RPRD1B: variants seen among roughly 807,000 people sequenced by gnomAD.
The protein encoded by RPRD1B is regulation of nuclear pre-mRNA domain-containing protein 1B.
RPRD1B carries 11 observed loss-of-function variants against 41.5 expected under a neutral mutation model. The observed-to-expected ratio is 0.27, with a 90% CI of 0.17 to 0.44. The LOEUF (loss-of-function observed/expected upper bound fraction) is 0.44. Ranked by LOEUF, RPRD1B falls within the 20% of genes least tolerant of loss-of-function variation. RPRD1B has a pLI of 1.00. For synonymous variants in RPRD1B, 158 were observed against 155.6 expected (o/e 1.02, Z -0.12); for missense variants, 248 against 389.9 (o/e 0.64, Z 3.06).
intron 3 of RPRD1B, among the ~76,000 whole-genome samples, chr20:38,054,713 G>A (rs1436698798): frequency 2.0e-5 from 3 of 152,210 alleles, no homozygotes; most frequent in Non-Finnish European, 2.9e-5. Flanking sequence ...TTTGAAAACG[G>A]AAGGATTTCA....
intron 6 of RPRD1B, among the ~76,000 whole-genome samples, chr20:38,075,738 G>A (rs987777998): frequency 1.3e-5 from 2 of 152,192 alleles, no homozygotes; most frequent in Admixed American, 1.3e-4. Context: ...TCTGAGATCA[G>A]GGCAAAGTAT....
At position 38,066,118 on chromosome 20, in the gene RPRD1B, T is replaced by G. The variant is rs773267887; in HGVS notation, c.693T>G (p.Asp231Glu). ...CTGAACGTCTTTCAAAAACAGTAGA[T>G]GAAGCATGTCTGTTACTAGCAGAAT... ...EAAERLSKTVDEACLLLAEYN... is the reference protein window; with the variant it reads ...EAAERLSKTVEEACLLLAEYN... Residue 231 changes from aspartate to glutamate, a missense_variant, in exon 6 of 7, where the codon GAT (aspartate) becomes GAG (glutamate). Asp to Glu is a conservative substitution (Grantham distance 45). Around this residue, in one of 5 missense-constraint regions of RPRD1B, gnomAD observed 93 missense variants for 167.2 expected, o/e 0.56. Transcript: ENST00000373433. 1 of 1,614,182 alleles carries G rather than the reference T, an allele frequency of 6.2e-7. No individual in the cohort carries two copies. The highest frequency in any genetic ancestry group is 8.5e-7 in the Non-Finnish European group (1 of 1,180,026).
At chr20:38,070,497 T>C (rs1156972089) in intron 6 of RPRD1B, 2 of 985,386 alleles carry the variant, frequency 2.0e-6, no homozygotes, top group East Asian at 2.3e-4. Context: ...GAAGCTTTGT[T>C]TGTGGTTGAC....
intron 6 of RPRD1B, among the ~76,000 whole-genome samples, chr20:38,084,769 T>G (rs1177549876): frequency 6.6e-6 from 1 of 152,184 alleles, no homozygotes; most frequent in Non-Finnish European, 1.5e-5. Flanking sequence ...TGAGGCAAGA[T>G]TCCAAAGCTT....
At chr20:38,073,206 T>TG (rs1221389070) in intron 6 of RPRD1B, among the ~76,000 whole-genome samples, 1 of 152,184 alleles carries the variant, frequency 6.6e-6, no homozygotes, top group Non-Finnish European at 1.5e-5. Flanking sequence ...ACATTTTATG[T>TG]GGGGTCATAA....
intron 6 of RPRD1B, among the ~76,000 whole-genome samples, chr20:38,086,918 A>G (rs987433203): frequency 2.0e-5 from 3 of 151,972 alleles, no homozygotes; most frequent in Non-Finnish European, 4.4e-5. Context: ...CCTTCCAAAC[A>G]GAAACAACTG....
chr20:38,065,823 G>A (rs1009318451), intron 5 of RPRD1B: 2 of 327,978 alleles, frequency 6.1e-6, no homozygotes, highest in African/African-American at 2.1e-5. Flanking sequence ...GCAGGAACAG[G>A]CATTTAGAAA....
chr20:38,089,888 G>A lies in RPRD1B; in HGVS notation c.*13G>A. The stretch of plus-strand genomic sequence containing the variant: ...TTCAACTGACTAGGATGGGTGTCAT[G>A]TCCCAGATTTCTGTTTGTACCAGCA... On this transcript the variant is annotated 3_prime_UTR_variant, in exon 7 of 7. Transcript: ENST00000373433. 2 of 1,608,200 alleles carry A rather than the reference G, an allele frequency of 1.2e-6. No homozygotes were observed. The highest frequency in any genetic ancestry group is 1.1e-5 in the South Asian group (1 of 90,784).
intron 6 of RPRD1B, among the ~76,000 whole-genome samples, chr20:38,076,947 C>T (rs1280132983): frequency 1.2e-5 from 1 of 81,150 alleles, no homozygotes; most frequent in Non-Finnish European, 2.3e-5. Context: ...GAGATGGAGT[C>T]TCGCTGTTGC....
At chr20:38,038,443 G>C (rs891841516) in intron 1 of RPRD1B, among the ~76,000 whole-genome samples, 11 of 150,242 alleles carry the variant, frequency 7.3e-5, no homozygotes, top group Non-Finnish European at 1.5e-4. Context: ...CCAAGTAGCT[G>C]GGTTTACAGG....
At chr20:38,084,185 T>C (rs2074540061) in intron 6 of RPRD1B, among the ~76,000 whole-genome samples, 1 of 152,128 alleles carries the variant, frequency 6.6e-6, no homozygotes, top group Non-Finnish European at 1.5e-5. Context: ...GCTTCCCCTT[T>C]GGGCTTGGCT....
At chr20:38,065,020 G>A (rs1385371187) in intron 5 of RPRD1B, among the ~76,000 whole-genome samples, 4 of 151,796 alleles carry the variant, frequency 2.6e-5, no homozygotes, top group African/African-American at 9.7e-5. Context: ...AGAAGATAGA[G>A]CACACATAGT....
intron 3 of RPRD1B, among the ~76,000 whole-genome samples, chr20:38,051,908 C>A (rs1008785723): frequency 6.6e-6 from 1 of 152,168 alleles, no homozygotes; most frequent in Admixed American, 6.5e-5. Context: ...TGTGCCACCA[C>A]GCCTGGCTAA....
chr20:38,061,413 A>G (rs970489227), intron 5 of RPRD1B, among the ~76,000 whole-genome samples: 6 of 150,470 alleles, frequency 4.0e-5, no homozygotes, highest in Admixed American at 2.0e-4. Context: ...TTTTCCTCCT[A>G]TTTCTCTACA....
At position 38,089,640 on chromosome 20, in the gene RPRD1B, G is replaced by A. The variant is rs559559895; in HGVS notation, c.832-86G>A. The stretch of plus-strand genomic sequence containing the variant: ...TGGTGGGGACAAGGAAGAACACGAG[G>A]ACGAGAGTAGCTGCCCGGCTCCAGC... On this transcript the variant is annotated intron_variant, in intron 6 of 6. Coordinates refer to ENST00000373433, the MANE Select transcript of RPRD1B (RefSeq NM_021215.4). 7.0e-5 allele frequency: 77 copies of A among 1,103,242 alleles called. No homozygotes were observed. The African/African-American group carries it at 1.1e-3, about 16-fold the overall frequency. The allele number at this position is 1,103,242 out of a possible 1,614,324, so 68.3% of individuals were successfully genotyped here.
intron 3 of RPRD1B, among the ~76,000 whole-genome samples, chr20:38,051,993 C>T (rs1035705930): frequency 3.3e-5 from 5 of 152,138 alleles, no homozygotes; most frequent in Non-Finnish European, 5.9e-5. Flanking sequence ...TCAGGTGATC[C>T]GCCCACCTCG....
intron 6 of RPRD1B, among the ~76,000 whole-genome samples, chr20:38,072,568 AG>A (rs1445841346): frequency 3.9e-5 from 6 of 152,336 alleles, no homozygotes; most frequent in Non-Finnish European, 5.9e-5. Context: ...AAGTTTTACT[AG>A]GGAATGCATT....
chr20:38,068,295 C>T (rs2074377731), intron 6 of RPRD1B, among the ~76,000 whole-genome samples: 1 of 152,220 alleles, frequency 6.6e-6, no homozygotes, highest in Admixed American at 6.5e-5. Context: ...ACTGAAGGTT[C>T]TTATCTCAAA....
rs116180320 is a variant in RPRD1B, at chr20:38,075,296, A to G, written c.831+9040A>G. ...TTGAGCTTATTTTGTATAAACCTCTATACAAGTTAAGGATTAGTCTTTTGT... is the reference window on the plus strand; with the variant it reads ...TTGAGCTTATTTTGTATAAACCTCTGTACAAGTTAAGGATTAGTCTTTTGT... On this transcript the variant is annotated intron_variant, in intron 6 of 6. Transcript: ENST00000373433. 8.3e-3 allele frequency among the ~76,000 whole-genome samples: 1,272 copies of G among 152,374 alleles called. 10 individuals carry two copies. Among genetic ancestry groups the G allele is most frequent in the African/African-American group, 0.025 (1,043 of 41,582 alleles).
Sources: allele counts gnomAD v4.1 joint callset (sites outside exome capture counted in the v4.1 genomes callset), GRCh38; gene constraint gnomAD v4.1.1; regional missense constraint gnomAD v4.1.1; transcripts MANE v1.5; gene names NCBI Gene and HGNC (gene_info 2026-07-23, HGNC 2026-07-21).